The following NOD1 variants were observed in gnomAD, a reference collection of about 807,000 sequenced individuals.
NOD1 encodes the protein nucleotide-binding oligomerization domain-containing protein 1.
In NOD1, 70 loss-of-function variants were observed where a neutral mutation model predicts 81.2. The observed-to-expected ratio is 0.86, with a 90% CI of 0.71 to 1.05. The LOEUF (loss-of-function observed/expected upper bound fraction) is 1.05. Ranked by LOEUF, NOD1 falls within the 50% of genes least tolerant of loss-of-function variation. NOD1 has a pLI of 0.00. For synonymous variants in NOD1, 508 were observed against 526.9 expected, an observed-to-expected ratio of 0.96 and a Z score of 0.49; for missense variants, 1,233 against 1,228.0, an observed-to-expected ratio of 1.00 and a Z score of -0.06.
At chr7:30,460,176 T>C (rs1786875249) in intron 1 of NOD1, 135 bp from the exon 2 acceptor site, 1 of 917,766 alleles carries the variant, frequency 1.1e-6, no homozygotes, top group Non-Finnish European at 1.3e-6. Context: ...GGTATGGATG[T>C]TGGAAGGGAA....
intron 13 of NOD1, among the ~76,000 whole-genome samples, chr7:30,427,754 A>G (rs746081676): frequency 3.9e-5 from 6 of 152,228 alleles, no homozygotes; most frequent in Non-Finnish European, 8.8e-5. Context: ...GAGGGAAGCA[A>G]TGCAGATTTT....
rs1434409787 is a variant in NOD1 at position 30,437,706 on chromosome 7, T to C, written c.2454-50A>G. The stretch of plus-strand genomic sequence containing the variant: ...ATGTTAGCTCCCCAAGAAACAGCCA[T>C]GCTCACCCCTCCTTTTTTGCCAATG... On this transcript the variant is annotated intron_variant, in intron 9 of 13. Coordinates refer to ENST00000222823, the MANE Select transcript of NOD1 (RefSeq NM_006092.4). 9 of 1,343,062 alleles carry C rather than the reference T, an allele frequency of 6.7e-6. No homozygotes were observed. The South Asian group carries it at 1.3e-4, about 20-fold the overall frequency. 83.2% of individuals were successfully genotyped at this position (1,343,062 alleles called of 1,614,324 possible).
Position 30,439,245 on chromosome 7 carries a change from G to A in NOD1, c.2454-1589C>T, listed in dbSNP as rs550658644. Among the ~76,000 whole-genome samples the A allele has an allele frequency of 4.6e-5, 7 of 151,150 alleles. 1 individual carries two copies. The highest frequency in any genetic ancestry group is 1.3e-4 in the Admixed American group (2 of 15,278). On this transcript the variant is annotated intron_variant, in intron 9 of 13. Transcript: ENST00000222823. ...TGGATATATACCCAAAAGAATTGGAGGGAGGAGCCAAGATGGCCGAATAGG... is the reference window on the plus strand; with the variant it reads ...TGGATATATACCCAAAAGAATTGGAAGGAGGAGCCAAGATGGCCGAATAGG...
Position 30,451,528 on chromosome 7 carries a change from CCCCGCAGGCTGGAAAACAGGTGTG to C in NOD1, c.1865_1888del (p.Ala622_Arg629del). On this transcript the variant is annotated inframe_deletion, in exon 6 of 14. Transcript: ENST00000222823. The surrounding 1 kb of genome is among the most constrained non-coding windows in gnomAD (Gnocchi z 4.2). ...AACGCGGGGCAGGCTCTTCAGGTAG[CCCCGCAGGCTGGAAAACAGGTGTG>C]CCCACAGGGCCTTGCGCTTTCTCCT... is the stretch of plus-strand genomic sequence containing the variant. 6.2e-7 allele frequency: 1 copy of C among 1,613,000 alleles called. No individual in the cohort carries two copies.
chr7:30,428,802 G>C (rs1000554153), intron 13 of NOD1, among the ~76,000 whole-genome samples: 22 of 152,278 alleles, frequency 1.4e-4, no homozygotes, highest in African/African-American at 5.3e-4. Context: ...CTGCTGAGTG[G>C]GGAGTGTCTG....
In NOD1 at chr7:30,451,455, C is replaced by A. The variant is rs753322925; in HGVS notation, c.1962G>T (p.Trp654Cys). 6.2e-7 allele frequency: 1 copy of A among 1,613,490 alleles called. No homozygotes were observed. The highest frequency in any genetic ancestry group is 8.5e-7 in the Non-Finnish European group (1 of 1,180,010). Residue 654 changes from tryptophan (W) to cysteine (C), a missense_variant, in exon 6 of 14, where the codon TGG becomes TGT. Coordinates refer to ENST00000222823, the MANE Select transcript of NOD1 (RefSeq NM_006092.4). The surrounding 1 kb of genome is among the most constrained non-coding windows in gnomAD (Gnocchi z 4.2). ...GTGTCTCGTAGATGCAGCGCAGCAT[C>A]CAGATGAACGTGGGCATGGCCTGCA... ...NQVQAMPTFI[W>C]MLRCIYETQS...
chr7:30,459,402 C>T (rs1786768546), intron 2 of NOD1, among the ~76,000 whole-genome samples, 162 bp from the exon 3 acceptor site: 1 of 152,144 alleles, frequency 6.6e-6, no homozygotes, highest in African/African-American at 2.4e-5. Flanking sequence ...TTCAACGTCC[C>T]CACCATAGTC....
intron 7 of NOD1, chr7:30,447,383 G>C (rs562290706): frequency 3.7e-5 from 12 of 326,074 alleles, no homozygotes; most frequent in South Asian, 3.2e-4. Context: ...TGAGTGCTCG[G>C]TGACTGGCAG....
rs960233866 is a variant in NOD1, at chr7:30,451,255, C to A, written c.2162G>T (p.Arg721Leu). The A allele has an allele frequency of 4.3e-6, 7 of 1,613,848 alleles. No homozygotes were observed. Among genetic ancestry groups the A allele is most frequent in the Non-Finnish European group, 5.9e-6 (7 of 1,180,020 alleles). Reference sequence around the variant, plus strand: ...GCGGCTGAAGCAGGGCTGCAGCTCCCGCACGCCGTAGTCGTTGAGATTGTT... The same window carrying A: ...GCGGCTGAAGCAGGGCTGCAGCTCCAGCACGCCGTAGTCGTTGAGATTGTT... ...DNNNLNDYGV[R>L]ELQPCFSRLT... The change falls in exon 6 of 14, where the codon CGG becomes CTG. Residue 721 changes from arginine (R) to leucine (L), a missense_variant. Transcript: ENST00000222823. The surrounding 1 kb of genome is among the most constrained non-coding windows in gnomAD (Gnocchi z 4.2).
chr7:30,446,479 G>T, intron 8 of NOD1: 1 of 516,242 alleles, frequency 1.9e-6, no homozygotes, highest in East Asian at 3.4e-5. Flanking sequence ...CCTCCCTGGG[G>T]TCCTCTAATT....
At chr7:30,453,679 CAA>C (rs1002563075) in intron 5 of NOD1, among the ~76,000 whole-genome samples, 2 of 152,144 alleles carry the variant, frequency 1.3e-5, no homozygotes, top group Non-Finnish European at 2.9e-5. Context: ...CTCGGCCTCC[CAA>C]AGTGTTAGGG....
intron 3 of NOD1, among the ~76,000 whole-genome samples, chr7:30,458,110 C>T (rs138287783): frequency 6.6e-6 from 1 of 152,272 alleles, no homozygotes; most frequent in East Asian, 1.9e-4. Flanking sequence ...TGGGTAGGAA[C>T]AGGGACCCAG....
At chr7:30,448,404 T>C (rs772915247) in intron 6 of NOD1, 23 bp from the exon 7 acceptor site, 11 of 1,595,768 alleles carry the variant, frequency 6.9e-6, no homozygotes, top group Non-Finnish European at 9.5e-6. Context: ...AGCAAAAAAA[T>C]TACGAGTCAG....
intron 4 of NOD1, 97 bp downstream of exon 4, chr7:30,456,624 C>T (rs371012007): frequency 9.0e-7 from 1 of 1,113,578 alleles, no homozygotes; most frequent in East Asian, 2.4e-5. Context: ...GCCCGCTGGA[C>T]TAAACTCCCA....
In NOD1 at chr7:30,455,136, C is replaced by A; in HGVS notation, c.376+1G>T. 6.2e-7 allele frequency: 1 copy of A among 1,613,574 alleles called. No individual in the cohort carries two copies. Among genetic ancestry groups the A allele is most frequent in the Non-Finnish European group, 8.5e-7 (1 of 1,179,820 alleles). On this transcript the variant is annotated splice_donor_variant, in intron 5 of 13. Transcript: ENST00000222823. LOFTEE classifies it high-confidence loss of function. Reference sequence around the variant, plus strand: ...GCGGTCTTGCTGGGGCTGACTCCTACCTGGGTCAGTGTTGACCACGACTTT... The same window carrying A: ...GCGGTCTTGCTGGGGCTGACTCCTAACTGGGTCAGTGTTGACCACGACTTT...
chr7:30,470,402 C>G (rs1020177117), intron 1 of NOD1, among the ~76,000 whole-genome samples: 6 of 152,220 alleles, frequency 3.9e-5, no homozygotes, highest in African/African-American at 1.4e-4. Flanking sequence ...GTCACCGTAT[C>G]TCCAGCACAT....
At position 30,425,558 on chromosome 7, in the gene NOD1, A is replaced by G. The variant is rs1201712176; in HGVS notation, c.*80T>C. ...CCGCCTGCGCAGGCCCCTTTAAGACACTGACACAAAAGACTGCCCAGAGTG... is the reference window on the plus strand; with the variant it reads ...CCGCCTGCGCAGGCCCCTTTAAGACGCTGACACAAAAGACTGCCCAGAGTG... On this transcript the variant is annotated 3_prime_UTR_variant, in exon 14 of 14. Coordinates refer to ENST00000222823, the MANE Select transcript of NOD1 (RefSeq NM_006092.4). 3 of 1,017,990 alleles carry G rather than the reference A, an allele frequency of 2.9e-6. No homozygotes were observed. The highest frequency in any genetic ancestry group is 1.6e-5 in the African/African-American group (1 of 63,212). 63.1% of individuals were successfully genotyped at this position (1,017,990 alleles called of 1,614,324 possible). A position where few individuals can be genotyped will look rare whatever the true frequency, so the allele number is the denominator to read the frequency against.
At chr7:30,465,260 A>C (rs1583853578) in intron 1 of NOD1, among the ~76,000 whole-genome samples, 1 of 152,284 alleles carries the variant, frequency 6.6e-6, no homozygotes, top group African/African-American at 2.4e-5. Flanking sequence ...ATTTAGAGAG[A>C]TGCTGAGTCC....
chr7:30,457,766 T>C (rs558212074), intron 3 of NOD1, among the ~76,000 whole-genome samples: 47 of 152,136 alleles, frequency 3.1e-4, no homozygotes, highest in Middle Eastern at 6.8e-3. Context: ...CAGCACAAAA[T>C]AGCCTGAGAA....
Sources: allele counts gnomAD v4.1 joint callset (sites outside exome capture counted in the v4.1 genomes callset), GRCh38; gene constraint gnomAD v4.1.1; non-coding constraint Gnocchi (gnomAD v3.1); transcripts MANE v1.5; gene names NCBI Gene and HGNC (gene_info 2026-07-23, HGNC 2026-07-21).